Variants in COL4A2 observed in about 807,000 individuals in gnomAD.
COL4A2 encodes the protein collagen type IV alpha 2 chain, also known as collagen alpha-2(IV) chain.
A neutral mutation model predicts 200.2 loss-of-function variants in COL4A2; 99 were observed. That is an observed-to-expected ratio of 0.49 (90% CI 0.42 to 0.58). The LOEUF is 0.58. Among genes scored for constraint, COL4A2 ranks in the 20% least tolerant of loss-of-function variants. The probability of loss-of-function intolerance (pLI) is 0.00; values close to 1 mark genes in which losing one functional copy is unlikely to be tolerated. For missense variants in COL4A2, 1,950 were observed against 2,314.1 expected, an observed-to-expected ratio of 0.84 and a Z score of 3.23; for synonymous variants, 897 against 900.6, an observed-to-expected ratio of 1.00 and a Z score of 0.07.
chr13:110,321,155 A>G (rs1885264913), intron 3 of COL4A2, among the ~76,000 whole-genome samples: 1 of 151,458 alleles, frequency 6.6e-6, no homozygotes, highest in Non-Finnish European at 1.5e-5. Flanking sequence ...GGTCTCATAT[A>G]TGTGCGTATT....
rs1357811904 is a variant in COL4A2, at chr13:110,467,114, C to A, written c.2095+18C>A. ...CCCCACAGGTAATGCACGGAGGGAA[C>A]CTGGAGTGCACCCAGCCTTCCTCCC... On this transcript the variant is annotated intron_variant, in intron 27 of 47. Coordinates refer to ENST00000360467, the MANE Select transcript of COL4A2 (RefSeq NM_001846.4). 1.2e-6 allele frequency: 2 copies of A among 1,613,916 alleles called. No homozygotes were observed. Among genetic ancestry groups the A allele is most frequent in the Admixed American group, 3.3e-5 (2 of 60,008 alleles).
rs760842202 is a variant in COL4A2 at position 110,503,228 on chromosome 13, G to A, written c.3985G>A (p.Gly1329Arg). 7 of 1,613,638 alleles carry A rather than the reference G, an allele frequency of 4.3e-6. No homozygotes were observed. Among genetic ancestry groups the A allele is most frequent in the East Asian group, 2.2e-5 (1 of 44,866 alleles). ...PGTPGTKGWA[G>R]DSGPQGRPGV... ...AACCCCAGGGACCAAAGGATGGGCC[G>A]GGGACTCCGGGCCCCAGGGCAGGCC... The change falls in exon 42 of 48, where the codon GGG (glycine) becomes AGG (arginine). Residue 1329 changes from glycine to arginine, a missense_variant. This residue lies in a region of COL4A2 where 1,385 missense variants were observed against 1,720.5 expected (regional missense o/e 0.80). Coordinates refer to ENST00000360467, the MANE Select transcript of COL4A2 (RefSeq NM_001846.4).
chr13:110,478,269 C>T, intron 30 of COL4A2, 105 bp downstream of exon 30: 1 of 1,187,240 alleles, frequency 8.4e-7, no homozygotes, highest in Non-Finnish European at 1.1e-6. Flanking sequence ...CCATGGAACC[C>T]CTTAAGAGGT....
chr13:110,445,781 G>C (rs764290592), intron 16 of COL4A2, 48 bp from the exon 17 acceptor site: 6 of 1,606,860 alleles, frequency 3.7e-6, no homozygotes, highest in Non-Finnish European at 5.1e-6. Flanking sequence ...TCCCTTTTTG[G>C]AGTTATACAT....
intron 4 of COL4A2, among the ~76,000 whole-genome samples, chr13:110,424,006 G>A (rs572608386): frequency 5.9e-5 from 9 of 152,244 alleles, no homozygotes; most frequent in South Asian, 2.1e-4. Flanking sequence ...GCTGCTGTGC[G>A]TGTAAGTGTA....
chr13:110,370,389 G>A (rs1265193681), intron 4 of COL4A2, among the ~76,000 whole-genome samples: 7 of 151,852 alleles, frequency 4.6e-5, no homozygotes, highest in Non-Finnish European at 7.4e-5. Flanking sequence ...TCAGCCTCCC[G>A]AGTAGCTGGG....
chr13:110,462,652 C>G (rs1222684990), intron 24 of COL4A2, among the ~76,000 whole-genome samples: 2 of 152,114 alleles, frequency 1.3e-5, no homozygotes, highest in African/African-American at 2.4e-5. Flanking sequence ...TAAGAACCCT[C>G]CCCCGCCAAA....
Position 110,307,357 on chromosome 13 carries a change from T to G in COL4A2, c.-216T>G. On this transcript the variant is annotated 5_prime_UTR_variant, in exon 1 of 48. Transcript: ENST00000360467. This position sits in a 1 kb window ranked among gnomAD's most constrained non-coding sequence, Gnocchi z 5.0. ...CAAGAGGCTCCCGCGTCCCAACCCC[T>G]CGCGCCCGCGCGTTCGCGGATCCAG... 7.6e-6 allele frequency: 2 copies of G among 264,734 alleles called. No homozygotes were observed. The highest frequency in any genetic ancestry group is 7.1e-6 in the Non-Finnish European group (1 of 141,642). The allele number at this position is 264,734 out of a possible 1,614,324, so 16.4% of individuals were successfully genotyped here. A position where few individuals can be genotyped will look rare whatever the true frequency, so the allele number is the denominator to read the frequency against.
chr13:110,474,679 A>ACC (rs1566555262), intron 29 of COL4A2, among the ~76,000 whole-genome samples: 5 of 138,130 alleles, frequency 3.6e-5, no homozygotes, highest in Non-Finnish European at 6.3e-5. Context: ...CACTCCTTAC[A>ACC]CACGTACCCA....
Position 110,406,035 on chromosome 13 carries a change from C to T in COL4A2, c.181-18699C>T, listed in dbSNP as rs192941590. Among the ~76,000 whole-genome samples, 368 of 152,314 alleles carry T rather than the reference C, an allele frequency of 2.4e-3. 3 individuals carry two copies. Among genetic ancestry groups the T allele is most frequent in the Non-Finnish European group, 1.7e-3 (113 of 68,026 alleles). On this transcript the variant is annotated intron_variant, in intron 4 of 47. Coordinates refer to ENST00000360467, the MANE Select transcript of COL4A2 (RefSeq NM_001846.4). ...AAGTGTCTGCCGCCTGGATTCTTTCCTGGCATGTCAGATTTGCAGCTTCCG... is the reference window on the plus strand; with the variant it reads ...AAGTGTCTGCCGCCTGGATTCTTTCTTGGCATGTCAGATTTGCAGCTTCCG...
intron 3 of COL4A2, 38 bp from the exon 4 acceptor site, chr13:110,357,434 T>G: frequency 1.9e-6 from 3 of 1,558,964 alleles, no homozygotes; most frequent in South Asian, 1.2e-5. Flanking sequence ...TGGCAATGTT[T>G]AGGTAACTTT....
chr13:110,443,538 CAT>C (rs961312461), intron 16 of COL4A2, among the ~76,000 whole-genome samples: 2 of 152,186 alleles, frequency 1.3e-5, no homozygotes, highest in African/African-American at 4.8e-5. Context: ...TCCTATGAAT[CAT>C]ATATATGACC....
intron 3 of COL4A2, among the ~76,000 whole-genome samples, chr13:110,333,067 G>T (rs1876001831): frequency 6.6e-6 from 1 of 152,192 alleles, no homozygotes; most frequent in Non-Finnish European, 1.5e-5. Context: ...CATGTGGTCA[G>T]CCCCATCATC....
intron 4 of COL4A2, among the ~76,000 whole-genome samples, chr13:110,390,336 G>T (rs559445127): frequency 6.6e-6 from 1 of 152,350 alleles, no homozygotes; most frequent in East Asian, 1.9e-4. Flanking sequence ...AAGGTGGCTG[G>T]AGTCTCTGTC....
chr13:110,453,796 A>G (rs544811395), intron 20 of COL4A2, among the ~76,000 whole-genome samples: 7 of 152,334 alleles, frequency 4.6e-5, no homozygotes, highest in African/African-American at 1.4e-4. Context: ...TATATATATT[A>G]CCCCTGTGAG....
chr13:110,357,814 CAGTAAAAAGAA>C (rs1384107658), intron 4 of COL4A2, among the ~76,000 whole-genome samples: 2 of 152,072 alleles, frequency 1.3e-5, no homozygotes, highest in Non-Finnish European at 2.9e-5. Context: ...AGAAAAGGTA[CAGTAAAAAGAA>C]AGTAAAAAGA....
At chr13:110,318,197 A>G (rs1229911486) in intron 3 of COL4A2, among the ~76,000 whole-genome samples, 1 of 152,200 alleles carries the variant, frequency 6.6e-6, no homozygotes, top group African/African-American at 2.4e-5. Flanking sequence ...CATTAAATGA[A>G]CATGTCTGAT....
intron 29 of COL4A2, chr13:110,477,784 C>T: frequency 2.5e-6 from 1 of 407,152 alleles, no homozygotes. Context: ...TAGGAATAGA[C>T]AAGGGCAGGA....
intron 3 of COL4A2, among the ~76,000 whole-genome samples, chr13:110,349,447 A>G (rs1876854896): frequency 6.6e-6 from 1 of 152,224 alleles, no homozygotes; most frequent in African/African-American, 2.4e-5. Flanking sequence ...GAGCCAGGGC[A>G]GCAACCAGGA....
Sources: allele counts gnomAD v4.1 joint callset (sites outside exome capture counted in the v4.1 genomes callset), GRCh38; gene constraint gnomAD v4.1.1; regional missense constraint gnomAD v4.1.1; non-coding constraint Gnocchi (gnomAD v3.1); transcripts MANE v1.5; gene names NCBI Gene and HGNC (gene_info 2026-07-23, HGNC 2026-07-21).